Variants in DDX6 observed in about 807,000 individuals in gnomAD.
The protein encoded by DDX6 is probable ATP-dependent RNA helicase DDX6.
DDX6 carries 7 observed loss-of-function variants against 60.6 expected under a neutral mutation model. The observed-to-expected ratio is 0.12, with a 90% confidence interval of 0.07 to 0.22. DDX6 has a LOEUF of 0.22. DDX6 is among the 10% of genes least tolerant of loss of function. The probability of loss-of-function intolerance (pLI) is 1.00; values close to 1 mark genes in which losing one functional copy is unlikely to be tolerated. For missense variants in DDX6, 270 were observed against 589.9 expected (o/e 0.46, Z 5.62); for synonymous variants, 207 against 201.0 (o/e 1.03, Z -0.25).
chr11:118,764,110 TA>T (rs1861268570), intron 6 of DDX6, among the ~76,000 whole-genome samples: 1 of 152,106 alleles, frequency 6.6e-6, no homozygotes, highest in Non-Finnish European at 1.5e-5. Context: ...GCAATGCCTC[TA>T]ATCTAGAGCA....
intron 4 of DDX6, among the ~76,000 whole-genome samples, chr11:118,777,336 G>T (rs117062841): frequency 5.5e-4 from 83 of 152,194 alleles, no homozygotes; most frequent in African/African-American, 1.9e-3. Context: ...TATGTCTGTT[G>T]TCATCATTTA....
rs73003294 is a variant in DDX6, at chr11:118,790,667, C to T, written c.-268+431G>A. ...CGAGTACTTAGCCTGTTCCTCCTGC[C>T]GACCCTGCTGCGCACCACATTCCTA... On this transcript the variant is annotated intron_variant, in intron 1 of 13. Transcript: ENST00000534980. Among the ~76,000 whole-genome samples the T allele has an allele frequency of 0.089, 13,528 of 152,160 alleles. 714 individuals are homozygous for T. The highest frequency in any genetic ancestry group is 0.12 in the Non-Finnish European group (8,238 of 67,964).
intron 13 of DDX6, among the ~76,000 whole-genome samples, chr11:118,753,746 T>C (rs1555158039): frequency 6.6e-6 from 1 of 152,144 alleles, no homozygotes; most frequent in Non-Finnish European, 1.5e-5. Context: ...TACTAGAAAT[T>C]AAGAGTAAAT....
In DDX6 at chr11:118,782,659, T is replaced by C. The variant is rs1334035887; in HGVS notation, c.201-1475A>G. Among the ~76,000 whole-genome samples, 10 of 134,276 alleles carry C rather than the reference T, an allele frequency of 7.4e-5. No homozygotes were observed. The South Asian group carries it at 1.4e-3, about 19-fold the overall frequency. 88.1% of individuals were successfully genotyped at this position (134,276 alleles called of 152,430 possible). On this transcript the variant is annotated intron_variant, in intron 2 of 13. Transcript: ENST00000534980. ...TGTACTAAAGCCTTTTTTTTTTTTT[T>C]CTGAGATGGAGTCTTGCTATGTCAC...
chr11:118,787,225 A>C (rs1335223246), intron 1 of DDX6: 3 of 152,296 alleles, frequency 2.0e-5, no homozygotes, highest in Non-Finnish European at 4.4e-5. Context: ...TAATCCCAGC[A>C]CTTTAGGAGG....
chr11:118,751,101 AACTT>A lies in DDX6; in HGVS notation c.*1000_*1003del, dbSNP rs1591876244. 8.7e-5 allele frequency: 1 copy of A among 11,550 alleles called. No individual in the cohort carries two copies. Among genetic ancestry groups the A allele is most frequent in the East Asian group, 2.4e-3 (1 of 420 alleles). The allele number at this position is 11,550 out of a possible 1,614,324, so 0.7% of individuals were successfully genotyped here. A position where few individuals can be genotyped will look rare whatever the true frequency, so the allele number is the denominator to read the frequency against. ...TATATATATATGAACCCAGAAAAAA[AACTT>A]ATTTACAAAGTTATACAAGTATACA... On this transcript the variant is annotated 3_prime_UTR_variant, in exon 14 of 14. Transcript: ENST00000534980.
At chr11:118,772,365 G>C (rs1861564122) in intron 4 of DDX6, among the ~76,000 whole-genome samples, 1 of 152,070 alleles carries the variant, frequency 6.6e-6, no homozygotes, top group African/African-American at 2.4e-5. Context: ...GATGAACTCG[G>C]AAAACATTAC....
chr11:118,756,556 TTTAAA>T (rs1259752205), intron 10 of DDX6, among the ~76,000 whole-genome samples: 2 of 152,254 alleles, frequency 1.3e-5, no homozygotes, highest in Admixed American at 6.5e-5. Context: ...TTGTTACAGT[TTTAAA>T]TTATTTTTTG....
At chr11:118,754,155 C>T (rs1429207404) in intron 13 of DDX6, among the ~76,000 whole-genome samples, 4 of 152,192 alleles carry the variant, frequency 2.6e-5, no homozygotes, top group Non-Finnish European at 5.9e-5. Flanking sequence ...GGCACAGTGG[C>T]ACAGTGGCTT....
At chr11:118,783,299 T>TG (rs1399275883) in intron 2 of DDX6, among the ~76,000 whole-genome samples, 6 of 152,176 alleles carry the variant, frequency 3.9e-5, no homozygotes, top group Admixed American at 3.9e-4. Context: ...TTCTTTGAGA[T>TG]GGGGTCTTAC....
At chr11:118,765,530 T>A (rs1861321271) in intron 5 of DDX6, among the ~76,000 whole-genome samples, 175 bp from the exon 6 acceptor site, 1 of 152,144 alleles carries the variant, frequency 6.6e-6, no homozygotes, top group African/African-American at 2.4e-5. Flanking sequence ...ATCCCAGCAC[T>A]CTGGGAGGCC....
In DDX6 at chr11:118,763,311, G is replaced by T. The variant is rs782258939; in HGVS notation, c.647-5C>A. 2 of 1,600,690 alleles carry T rather than the reference G, an allele frequency of 1.2e-6. No individual in the cohort carries two copies. Among genetic ancestry groups the T allele is most frequent in the East Asian group, 2.2e-5 (1 of 44,794 alleles). ...GGGTAGCAATCACCACGTGCACTATGCAAGATTTAGAAAACATACATTCTC... is the reference window on the plus strand; with the variant it reads ...GGGTAGCAATCACCACGTGCACTATTCAAGATTTAGAAAACATACATTCTC... On this transcript the variant is annotated splice_polypyrimidine_tract_variant and splice_region_variant and intron_variant, in intron 6 of 13. Coordinates refer to ENST00000534980, the MANE Select transcript of DDX6 (RefSeq NM_004397.6).
rs1206300301 is a variant in DDX6 at position 118,749,715 on chromosome 11, C to T, written c.*2390G>A. 4 of 152,614 alleles carry T rather than the reference C, an allele frequency of 2.6e-5. No individual in the cohort carries two copies. The highest frequency in any genetic ancestry group is 3.8e-4 in the East Asian group (2 of 5,202). 9.5% of individuals were successfully genotyped at this position (152,614 alleles called of 1,614,324 possible). A position where few individuals can be genotyped will look rare whatever the true frequency, so the allele number is the denominator to read the frequency against. Reference sequence around the variant, plus strand: ...TCTACATGAATGATCCCTCTTATCTCGCAAGAGGTGGGGGAGAAAGAGAGC... The same window carrying T: ...TCTACATGAATGATCCCTCTTATCTTGCAAGAGGTGGGGGAGAAAGAGAGC... On this transcript the variant is annotated 3_prime_UTR_variant, in exon 14 of 14. Coordinates refer to ENST00000534980, the MANE Select transcript of DDX6 (RefSeq NM_004397.6).
chr11:118,749,167 CAACT>C lies in DDX6; in HGVS notation c.*2934_*2937del, dbSNP rs1387659056. 1 of 151,956 alleles carries C rather than the reference CAACT, an allele frequency of 6.6e-6. No individual in the cohort carries two copies. The highest frequency in any genetic ancestry group is 1.5e-5 in the Non-Finnish European group (1 of 67,986). The allele number at this position is 151,956 out of a possible 1,614,324, so 9.4% of individuals were successfully genotyped here. A position where few individuals can be genotyped will look rare whatever the true frequency, so the allele number is the denominator to read the frequency against. ...GTGTAACAGTCCATAGCCCATTACACAACTGTACAACCAAAGGCTAAATGATGAG... is the reference window on the plus strand; with the variant it reads ...GTGTAACAGTCCATAGCCCATTACACGTACAACCAAAGGCTAAATGATGAG... On this transcript the variant is annotated 3_prime_UTR_variant, in exon 14 of 14. Coordinates refer to ENST00000534980, the MANE Select transcript of DDX6 (RefSeq NM_004397.6).
In DDX6 at chr11:118,786,312, G is replaced by T; in HGVS notation, c.-61C>A. 7.0e-7 allele frequency: 1 copy of T among 1,425,444 alleles called. No individual in the cohort carries two copies. Among genetic ancestry groups the T allele is most frequent in the Non-Finnish European group, 9.6e-7 (1 of 1,041,868 alleles). The allele number at this position is 1,425,444 out of a possible 1,614,324, so 88.3% of individuals were successfully genotyped here. A position where few individuals can be genotyped will look rare whatever the true frequency, so the allele number is the denominator to read the frequency against. On this transcript the variant is annotated 5_prime_UTR_variant, in exon 2 of 14. Transcript: ENST00000534980. ...ACTTTTGAAAGTCAGTAGAGAAACT[G>T]TAATAACAGTTTATTAGGCTCTCCA... is the stretch of plus-strand genomic sequence containing the variant.
intron 3 of DDX6, 112 bp downstream of exon 3, chr11:118,781,009 G>C (rs1176043258): frequency 3.6e-5 from 24 of 660,720 alleles, no homozygotes; most frequent in African/African-American, 3.0e-4. Context: ...GAGGAGGAGG[G>C]TGGCAGTGGT....
chr11:118,776,060 C>T (rs1294108248), intron 4 of DDX6, among the ~76,000 whole-genome samples: 6 of 152,194 alleles, frequency 3.9e-5, no homozygotes, highest in South Asian at 2.1e-4. Context: ...AGGAGTATCA[C>T]GTGAGCCCAG....
intron 1 of DDX6, chr11:118,787,030 A>G (rs957416798): frequency 6.6e-6 from 1 of 152,182 alleles, no homozygotes; most frequent in Non-Finnish European, 1.5e-5. Flanking sequence ...GTGCCCTTAC[A>G]AATTTCAACT....
intron 6 of DDX6, 77 bp downstream of exon 6, chr11:118,765,132 A>G (rs985259131): frequency 6.5e-7 from 1 of 1,535,084 alleles, no homozygotes; most frequent in Non-Finnish European, 8.9e-7. Context: ...TCTTAAAAAC[A>G]ATTTTTAATA....
Sources: allele counts gnomAD v4.1 joint callset (sites outside exome capture counted in the v4.1 genomes callset), GRCh38; gene constraint gnomAD v4.1.1; transcripts MANE v1.5; gene names NCBI Gene and HGNC (gene_info 2026-07-23, HGNC 2026-07-21).